ENPP4: variants seen among roughly 807,000 people sequenced by gnomAD.
ENPP4 encodes the protein ectonucleotide pyrophosphatase/phosphodiesterase 4, also known as bis(5'-adenosyl)-triphosphatase ENPP4.
In ENPP4, 18 loss-of-function variants were observed where a neutral mutation model predicts 33.4. The ratio of observed to expected loss-of-function variants is 0.54; its 90% CI spans 0.37 to 0.80. ENPP4 has a LOEUF of 0.80. ENPP4 is among the 30% of genes least tolerant of loss of function. The pLI is 0.00. For missense variants in ENPP4, 480 were observed against 541.7 expected (o/e 0.89, Z 1.13); for synonymous variants, 172 against 189.9 (o/e 0.91, Z 0.78).
chr6:46,146,265 ATAT>A lies in ENPP4; in HGVS notation c.*2633_*2635del, dbSNP rs1748363454. On this transcript the variant is annotated 3_prime_UTR_variant, in exon 4 of 4. Transcript: ENST00000321037. Reference sequence around the variant, plus strand: ...ATTTCAATGTTTGTGTATAGGTTTTATATTATTATTCCACTAGGAATGGCATAA... The same window carrying A: ...ATTTCAATGTTTGTGTATAGGTTTTATATTATTCCACTAGGAATGGCATAA... 1 of 152,350 alleles carries A rather than the reference ATAT, an allele frequency of 6.6e-6. No individual in the cohort carries two copies. The highest frequency in any genetic ancestry group is 1.5e-5 in the Non-Finnish European group (1 of 67,856). The allele number at this position is 152,350 out of a possible 1,614,324, so 9.4% of individuals were successfully genotyped here. A position where few individuals can be genotyped will look rare whatever the true frequency, so the allele number is the denominator to read the frequency against.
At position 46,145,942 on chromosome 6, in the gene ENPP4, T is replaced by G. The variant is rs1764134163; in HGVS notation, c.*2302T>G. ...ATCACTGTTAAAGCCATTGACTCCTTTAGTACACTGAGAAAAATCTTATAG... is the reference window on the plus strand; with the variant it reads ...ATCACTGTTAAAGCCATTGACTCCTGTAGTACACTGAGAAAAATCTTATAG... On this transcript the variant is annotated 3_prime_UTR_variant, in exon 4 of 4. Transcript: ENST00000321037. The G allele has an allele frequency of 6.6e-6, 1 of 151,898 alleles. No homozygotes were observed. The highest frequency in any genetic ancestry group is 1.5e-5 in the Non-Finnish European group (1 of 67,844). The allele number at this position is 151,898 out of a possible 1,614,324, so 9.4% of individuals were successfully genotyped here. A position where few individuals can be genotyped will look rare whatever the true frequency, so the allele number is the denominator to read the frequency against.
At chr6:46,137,536 G>T (rs1436866922) in intron 1 of ENPP4, among the ~76,000 whole-genome samples, 1 of 151,812 alleles carries the variant, frequency 6.6e-6, no homozygotes, top group Non-Finnish European at 1.5e-5. Flanking sequence ...CATAAACACT[G>T]TGTTGAGGGC....
Position 46,143,640 on chromosome 6 carries a change from A to T in ENPP4, c.1362A>T (p.Ter454CysextTer12), listed in dbSNP as rs200330503. The stretch of plus-strand genomic sequence containing the variant: ...ATGATGATGATCCTTTAATTGGGTG[A>T]CATGTGCTAGGGCTTATACAAAGTG... The part of the protein sequence containing the change: ...QEDDDDPLIG[*>C] Residue 454 changes from the stop codon to cysteine, a stop_lost, in exon 4 of 4, where the codon TGA becomes TGT. Coordinates refer to ENST00000321037, the MANE Select transcript of ENPP4 (RefSeq NM_014936.5). The T allele has an allele frequency of 3.1e-6, 5 of 1,606,156 alleles. No individual in the cohort carries two copies. The African/African-American group carries it at 5.3e-5, about 17-fold the overall frequency.
intron 1 of ENPP4, among the ~76,000 whole-genome samples, chr6:46,130,980 A>G (rs762780837): frequency 1.3e-5 from 2 of 152,198 alleles, no homozygotes; most frequent in Non-Finnish European, 2.9e-5. Context: ...TGCTGGTTTC[A>G]GTATTATGAG....
Position 46,143,768 on chromosome 6 carries a change from A to C in ENPP4, c.*128A>C, listed in dbSNP as rs1764104688. ...AAGAACTTAGACTAAGCATGTTAAA[A>C]TTATTACTTTGTTTTCCTTGTGTTT... On this transcript the variant is annotated 3_prime_UTR_variant, in exon 4 of 4. Transcript: ENST00000321037. 3.1e-6 allele frequency: 3 copies of C among 970,396 alleles called. No individual in the cohort carries two copies. Among genetic ancestry groups the C allele is most frequent in the Admixed American group, 2.6e-5 (1 of 38,946 alleles). 60.1% of individuals were successfully genotyped at this position (970,396 alleles called of 1,614,324 possible). A position where few individuals can be genotyped will look rare whatever the true frequency, so the allele number is the denominator to read the frequency against.
intron 1 of ENPP4, among the ~76,000 whole-genome samples, chr6:46,130,679 G>A (rs906404078): frequency 6.6e-6 from 1 of 152,204 alleles, no homozygotes; most frequent in Non-Finnish European, 1.5e-5. Flanking sequence ...AACAATAAAA[G>A]GTACATTTAA....
rs1487182166 is a variant in ENPP4, at chr6:46,146,209, T to C, written c.*2569T>C. The stretch of plus-strand genomic sequence containing the variant: ...TCTGCTGCTGTTATTTATATGCAAT[T>C]CTTCTGGTAAATAGCAATAGAATAA... On this transcript the variant is annotated 3_prime_UTR_variant, in exon 4 of 4. Coordinates refer to ENST00000321037, the MANE Select transcript of ENPP4 (RefSeq NM_014936.5). 6.6e-6 allele frequency: 1 copy of C among 152,356 alleles called. No homozygotes were observed. The highest frequency in any genetic ancestry group is 2.4e-5 in the African/African-American group (1 of 41,426). 9.4% of individuals were successfully genotyped at this position (152,356 alleles called of 1,614,324 possible). A position where few individuals can be genotyped will look rare whatever the true frequency, so the allele number is the denominator to read the frequency against.
Position 46,139,706 on chromosome 6 carries a change from G to C in ENPP4, c.123G>C (p.Leu41=), listed in dbSNP as rs1370587972. 7.4e-6 allele frequency: 12 copies of C among 1,611,276 alleles called. No homozygotes were observed. Among genetic ancestry groups the C allele is most frequent in the Admixed American group, 1.7e-5 (1 of 59,806 alleles). ...TTGATGGCTTCAGAGCTGATTATCT[G>C]AAGAACTATGAATTTCCTCATCTCC... ...VSFDGFRADY[L]KNYEFPHLQN... Residue 41 remains leucine (L), a synonymous_variant, in exon 2 of 4, where the codon CTG becomes CTC. Transcript: ENST00000321037.
intron 1 of ENPP4, among the ~76,000 whole-genome samples, chr6:46,136,138 T>C (rs1452512603): frequency 6.6e-6 from 1 of 152,042 alleles, no homozygotes; most frequent in African/African-American, 2.4e-5. Context: ...TTTAAGTCTA[T>C]TCTGTTATTT....
chr6:46,140,819 T>G (rs899132838), intron 2 of ENPP4, among the ~76,000 whole-genome samples: 2 of 151,656 alleles, frequency 1.3e-5, no homozygotes, highest in Non-Finnish European at 3.0e-5. Flanking sequence ...CCCCTATCTG[T>G]AAAAGTCCAC....
intron 1 of ENPP4, among the ~76,000 whole-genome samples, chr6:46,132,426 G>T (rs957583417): frequency 6.6e-6 from 1 of 152,162 alleles, no homozygotes; most frequent in African/African-American, 2.4e-5. Context: ...TTTCCCCATT[G>T]CTTGTTTTTC....
At chr6:46,137,767 A>G (rs1763997005) in intron 1 of ENPP4, among the ~76,000 whole-genome samples, 1 of 151,826 alleles carries the variant, frequency 6.6e-6, no homozygotes, top group Non-Finnish European at 1.5e-5. Context: ...CACATTCAGA[A>G]GGCAACCTGT....
At chr6:46,143,178 C>A in intron 3 of ENPP4, 98 bp from the exon 4 acceptor site, 1 of 1,178,904 alleles carries the variant, frequency 8.5e-7, no homozygotes, top group Non-Finnish European at 1.2e-6. Flanking sequence ...TATTTCTAGT[C>A]CCTTTCTGAA....
intron 1 of ENPP4, among the ~76,000 whole-genome samples, chr6:46,136,931 T>C (rs559086666): frequency 6.6e-6 from 1 of 152,094 alleles, no homozygotes; most frequent in East Asian, 1.9e-4. Context: ...CTCCTAGTTA[T>C]AGTGACTTGA....
chr6:46,141,276 G>T, intron 3 of ENPP4, 54 bp downstream of exon 3: 1 of 1,319,412 alleles, frequency 7.6e-7, no homozygotes, highest in East Asian at 2.3e-5. Flanking sequence ...ATCATACCTT[G>T]TGATACTGTT....
At chr6:46,138,313 T>C (rs528093212) in intron 1 of ENPP4, among the ~76,000 whole-genome samples, 2 of 151,948 alleles carry the variant, frequency 1.3e-5, no homozygotes, top group East Asian at 3.9e-4. Flanking sequence ...CTTCCTTCAG[T>C]TTCTGGCAGA....
chr6:46,135,369 T>A (rs1485326306), intron 1 of ENPP4, among the ~76,000 whole-genome samples: 1 of 152,066 alleles, frequency 6.6e-6, no homozygotes, highest in Non-Finnish European at 1.5e-5. Context: ...TCCTTCGGGG[T>A]GTGAAATGGT....
At position 46,146,311 on chromosome 6, in the gene ENPP4, C is replaced by A. The variant is rs1033874445; in HGVS notation, c.*2671C>A. On this transcript the variant is annotated 3_prime_UTR_variant, in exon 4 of 4. Transcript: ENST00000321037. Reference sequence around the variant, plus strand: ...TGGCATAAGAATTTATAGATAAATTCTTGTAACATTAAAGGATTAAAATGT... The same window carrying A: ...TGGCATAAGAATTTATAGATAAATTATTGTAACATTAAAGGATTAAAATGT... 6 of 152,188 alleles carry A rather than the reference C, an allele frequency of 3.9e-5. No homozygotes were observed. Among genetic ancestry groups the A allele is most frequent in the Admixed American group, 3.3e-4 (5 of 15,206 alleles). 9.4% of individuals were successfully genotyped at this position (152,188 alleles called of 1,614,324 possible).
chr6:46,137,077 G>A (rs895066409), intron 1 of ENPP4, among the ~76,000 whole-genome samples: 3 of 151,922 alleles, frequency 2.0e-5, no homozygotes, highest in South Asian at 2.1e-4. Flanking sequence ...AGAGAATGGC[G>A]AAGCTGTTTT....
Sources: allele counts gnomAD v4.1 joint callset (sites outside exome capture counted in the v4.1 genomes callset), GRCh38; gene constraint gnomAD v4.1.1; transcripts MANE v1.5; gene names NCBI Gene and HGNC (gene_info 2026-07-23, HGNC 2026-07-21).